CEP164: variants seen among roughly 807,000 people sequenced by gnomAD.
CEP164 encodes the protein centrosomal protein of 164 kDa.
In CEP164, 162 loss-of-function variants were observed where a neutral mutation model predicts 182.7. That is an observed-to-expected ratio of 0.89 (90% CI 0.78 to 1.01). The LOEUF (loss-of-function observed/expected upper bound fraction) is 1.01, where lower values mean the gene tolerates loss of function less well. Ranked by LOEUF, CEP164 falls within the 50% of genes least tolerant of loss-of-function variation. The pLI is 0.00. For synonymous variants in CEP164, 661 were observed against 690.0 expected (o/e 0.96, Z 0.66); for missense variants, 1,735 against 1,790.4 (o/e 0.97, Z 0.56).
At chr11:117,377,721 C>G (rs2042903551) in intron 11 of CEP164, among the ~76,000 whole-genome samples, 1 of 152,124 alleles carries the variant, frequency 6.6e-6, no homozygotes, top group Non-Finnish European at 1.5e-5. Context: ...TGCAATGCAG[C>G]TTTATTGAGA....
intron 5 of CEP164, chr11:117,356,049 C>A: frequency 8.9e-7 from 1 of 1,119,604 alleles, no homozygotes; most frequent in South Asian, 2.1e-5. Context: ...CACCTGGGCT[C>A]TCCTGTCCTG....
chr11:117,376,345 TTGTC>T (rs1357435738), intron 11 of CEP164, among the ~76,000 whole-genome samples: 2 of 152,188 alleles, frequency 1.3e-5, no homozygotes, highest in Admixed American at 1.3e-4. Flanking sequence ...TGATGGTTGT[TTGTC>T]TGTCTCCCCT....
chr11:117,354,859 A>T (rs898491504), intron 5 of CEP164: 2 of 1,166,054 alleles, frequency 1.7e-6, no homozygotes, highest in Non-Finnish European at 2.2e-6. Context: ...GGGCTTGCCC[A>T]GGGCTGAGGT....
intron 1 of CEP164, among the ~76,000 whole-genome samples, chr11:117,332,151 C>T (rs1591943809): frequency 6.6e-6 from 1 of 152,010 alleles, no homozygotes; most frequent in South Asian, 2.1e-4. Flanking sequence ...TTAGCAGTTA[C>T]AGCAGTAACT....
intron 14 of CEP164, 165 bp from the exon 15 acceptor site, chr11:117,387,038 G>A: frequency 1.5e-6 from 1 of 649,980 alleles, no homozygotes. Flanking sequence ...TATGGAACAA[G>A]CATTGACTGT....
chr11:117,364,767 G>A (rs2041430980), intron 8 of CEP164, among the ~76,000 whole-genome samples: 1 of 152,084 alleles, frequency 6.6e-6, no homozygotes, highest in South Asian at 2.1e-4. Flanking sequence ...CGAAGTGCTG[G>A]GATTACAGGC....
chr11:117,394,636 G>A lies in CEP164; in HGVS notation c.2760+143G>A. ...CTCTCACTGGCCATCTCCAAGCTGG[G>A]GCATCCTTGTTACTTTGTTTTCTGG... On this transcript the variant is annotated intron_variant, in intron 21 of 32. Transcript: ENST00000278935. The surrounding 1 kb of genome is among the most constrained non-coding windows in gnomAD (Gnocchi z 4.0). 1 of 1,185,212 alleles carries A rather than the reference G, an allele frequency of 8.4e-7. No homozygotes were observed. Among genetic ancestry groups the A allele is most frequent in the Non-Finnish European group, 1.2e-6 (1 of 854,400 alleles). 73.4% of individuals were successfully genotyped at this position (1,185,212 alleles called of 1,614,324 possible). A position where few individuals can be genotyped will look rare whatever the true frequency, so the allele number is the denominator to read the frequency against.
intron 7 of CEP164, 43 bp downstream of exon 7, chr11:117,362,581 C>T (rs1201744206): frequency 1.9e-6 from 3 of 1,562,142 alleles, no homozygotes; most frequent in East Asian, 2.3e-5. Context: ...CCCTCTGTGC[C>T]ATATTTTTTC....
chr11:117,332,782 A>T (rs2036427672), intron 1 of CEP164, among the ~76,000 whole-genome samples: 1 of 151,956 alleles, frequency 6.6e-6, no homozygotes, highest in Admixed American at 6.6e-5. Flanking sequence ...CAGTTGGGTG[A>T]CCCCTCCTAA....
intron 9 of CEP164, 118 bp downstream of exon 9, chr11:117,371,584 T>C (rs1161370029): frequency 7.2e-6 from 9 of 1,256,690 alleles, no homozygotes; most frequent in African/African-American, 1.5e-5. Context: ...CATTTGCGTG[T>C]CCCTGCACTG....
At chr11:117,401,837 T>A (rs915465090) in intron 27 of CEP164, among the ~76,000 whole-genome samples, 1 of 152,228 alleles carries the variant, frequency 6.6e-6, no homozygotes, top group African/African-American at 2.4e-5. Flanking sequence ...ATTTATTATT[T>A]TTTATTGTGT....
intron 8 of CEP164, among the ~76,000 whole-genome samples, chr11:117,369,365 C>T (rs1460060338): frequency 6.6e-6 from 1 of 152,138 alleles, no homozygotes; most frequent in Non-Finnish European, 1.5e-5. Context: ...AATAATTTGC[C>T]TAAGGTCACA....
chr11:117,396,812 T>C lies in CEP164; in HGVS notation c.3278+201T>C, dbSNP rs2045540435. On this transcript the variant is annotated intron_variant, in intron 26 of 32. Transcript: ENST00000278935. ...GCCCACTGTGACCTTTGACATGGCA[T>C]TCTCCTCTAGTGGAGAAGCAGATTG... Among the ~76,000 whole-genome samples the C allele has an allele frequency of 2.6e-5, 4 of 152,186 alleles. No homozygotes were observed. The South Asian group carries it at 8.3e-4, about 32-fold the overall frequency.
chr11:117,349,696 GT>G (rs1216110979), intron 4 of CEP164, among the ~76,000 whole-genome samples: 1 of 152,106 alleles, frequency 6.6e-6, no homozygotes, highest in Non-Finnish European at 1.5e-5. Flanking sequence ...TTATATTTAA[GT>G]TAAATTTTAT....
At position 117,409,320 on chromosome 11, in the gene CEP164, C is replaced by T; in HGVS notation, c.3748+292C>T. 1 of 576,078 alleles carries T rather than the reference C, an allele frequency of 1.7e-6. No individual in the cohort carries two copies. Among genetic ancestry groups the T allele is most frequent in the East Asian group, 2.8e-5 (1 of 35,236 alleles). 35.7% of individuals were successfully genotyped at this position (576,078 alleles called of 1,614,324 possible). On this transcript the variant is annotated intron_variant, in intron 29 of 32. Transcript: ENST00000278935. This position sits in a 1 kb window ranked among gnomAD's most constrained non-coding sequence, Gnocchi z 4.4. ...GGCCTCCTTGAGGAGGCTTTTCTCT[C>T]TCAGCTGCCCTGGCCTGTATGTGAC...
intron 3 of CEP164, among the ~76,000 whole-genome samples, chr11:117,342,399 ATATT>A (rs1421656394): frequency 1.3e-5 from 2 of 152,088 alleles, no homozygotes; most frequent in African/African-American, 2.4e-5. Flanking sequence ...TGTCATTTGA[ATATT>A]TATTTAATCA....
Position 117,387,369 on chromosome 11 carries a change from G to A in CEP164, c.1891G>A (p.Glu631Lys). The change falls in exon 15 of 33, where the codon GAG becomes AAG. Residue 631 changes from glutamate to lysine, a missense_variant. By Grantham distance (56) the Glu-to-Lys change is moderately conservative (BLOSUM62 1). Transcript: ENST00000278935. Reference protein sequence around the residue: ...LREKLCQEEEEEILRLHQQKE... With the variant: ...LREKLCQEEEKEILRLHQQKE... ...GGAGAAGCTGTGCCAAGAGGAGGAA[G>A]AGGAGATCCTCCGGCTTCACCAGCA... 1 of 1,614,176 alleles carries A rather than the reference G, an allele frequency of 6.2e-7. No homozygotes were observed. Among genetic ancestry groups the A allele is most frequent in the Non-Finnish European group, 8.5e-7 (1 of 1,180,044 alleles).
In CEP164 at chr11:117,380,715, G is replaced by A. The variant is rs199783386; in HGVS notation, c.1409+10G>A. ...AAGGCCTGGAGGAGAGGTACCATAGGTGGGAGGCTATCCCCAGCGCTGTGC... is the reference window on the plus strand; with the variant it reads ...AAGGCCTGGAGGAGAGGTACCATAGATGGGAGGCTATCCCCAGCGCTGTGC... On this transcript the variant is annotated intron_variant, in intron 12 of 32. Coordinates refer to ENST00000278935, the MANE Select transcript of CEP164 (RefSeq NM_014956.5). The A allele has an allele frequency of 7.8e-5, 124 of 1,594,850 alleles. 1 individual carries two copies. The African/African-American group carries it at 1.5e-3, about 19-fold the overall frequency.
Position 117,393,101 on chromosome 11 carries a change from A to C in CEP164, c.2591A>C (p.Lys864Thr). 6.2e-7 allele frequency: 1 copy of C among 1,613,452 alleles called. No homozygotes were observed. Among genetic ancestry groups the C allele is most frequent in the Non-Finnish European group, 8.5e-7 (1 of 1,179,748 alleles). Reference sequence around the variant, plus strand: ...GAGGAGCACCAGCAAGTGATGGCTAAGGCCAGAGAGCAGTATGAAGCTGAG... The same window carrying C: ...GAGGAGCACCAGCAAGTGATGGCTACGGCCAGAGAGCAGTATGAAGCTGAG... ...MKEEHQQVMA[K>T]AREQYEAEER... The change falls in exon 20 of 33, where the codon AAG (lysine) becomes ACG (threonine). Residue 864 changes from lysine to threonine, a missense_variant. Lys to Thr is a moderately conservative substitution (Grantham distance 78). Transcript: ENST00000278935.
Sources: gnomAD v4.1 joint callset for allele counts (sites outside exome capture counted in the v4.1 genomes callset) on GRCh38, gnomAD v4.1.1 for gene constraint, Gnocchi (gnomAD v3.1) non-coding constraint, MANE v1.5 for transcripts, NCBI Gene and HGNC (gene_info 2026-07-23, HGNC 2026-07-21) for gene names.